The following GABRA3 variants were observed in gnomAD, a reference collection of about 807,000 sequenced individuals.
GABRA3 encodes gamma-aminobutyric acid type A receptor subunit alpha3, also known as gamma-aminobutyric acid receptor subunit alpha-3.
A neutral mutation model predicts 30.1 loss-of-function variants in GABRA3; 10 were observed. The ratio of observed to expected loss-of-function variants is 0.33; its 90% CI spans 0.20 to 0.56. The LOEUF is 0.56. Ranked by LOEUF, GABRA3 falls within the 20% of genes least tolerant of loss-of-function variation. The pLI is 0.89. For missense variants in GABRA3, 233 were observed against 392.0 expected (o/e 0.59, Z 3.42); for synonymous variants, 151 against 146.8 (o/e 1.03, Z -0.21).
intron 5 of GABRA3, among the ~76,000 whole-genome samples, chrX:152,233,492 A>G (rs1169115795): frequency 1.8e-5 from 2 of 109,631 alleles, no homozygotes; most frequent in African/African-American, 3.4e-5. Context: ...CAAAACCACA[A>G]TGAGATACCA....
At chrX:152,248,536 G>C (rs1409729713) in intron 5 of GABRA3, among the ~76,000 whole-genome samples, 8 of 111,422 alleles carry the variant, frequency 7.2e-5, no homozygotes, top group Non-Finnish European at 1.5e-4. Flanking sequence ...GCACCACTTG[G>C]AAATGAGCCG....
intron 1 of GABRA3, among the ~76,000 whole-genome samples, chrX:152,383,511 C>T (rs186865760): frequency 9.2e-6 from 1 of 108,361 alleles, no homozygotes; most frequent in African/African-American, 3.3e-5. Context: ...CAATAACATA[C>T]TGAAAGAATC....
At chrX:152,289,405 C>T (rs1325314853) in intron 3 of GABRA3, among the ~76,000 whole-genome samples, 1 of 109,561 alleles carries the variant, frequency 9.1e-6, no homozygotes, top group Non-Finnish European at 1.9e-5. Flanking sequence ...ATCCTTGTAC[C>T]CCTGTCTGCT....
intron 1 of GABRA3, among the ~76,000 whole-genome samples, chrX:152,449,622 T>C (rs1423570482): frequency 9.0e-6 from 1 of 111,041 alleles, no homozygotes; most frequent in Non-Finnish European, 1.9e-5. Flanking sequence ...TGAGTTGCTG[T>C]TACTCTACAC....
intron 1 of GABRA3, among the ~76,000 whole-genome samples, chrX:152,368,328 C>G (rs1179783716): frequency 8.9e-6 from 1 of 111,737 alleles, no homozygotes; most frequent in Non-Finnish European, 1.9e-5. Flanking sequence ...CACCATTCTA[C>G]TCTCTGCTTC....
rs1456066768 is a variant in GABRA3, at chrX:152,349,645, G to T, written c.141-3943C>A. Among the ~76,000 whole-genome samples the T allele has an allele frequency of 2.2e-3, 226 of 102,108 alleles. 1 individual carries two copies. Among genetic ancestry groups the T allele is most frequent in the African/African-American group, 7.5e-3 (208 of 27,698 alleles). The allele number at this position is 102,108 out of a possible 115,157, so 88.7% of individuals were successfully genotyped here. ...GCAAATGGAAAACAAAAAAAGGCAG[G>T]GGTTGCAATCCTAGTCTCTGATAAA... On this transcript the variant is annotated intron_variant, in intron 2 of 9. Transcript: ENST00000370314.
chrX:152,315,985 C>A lies in GABRA3; in HGVS notation c.262+29596G>T, dbSNP rs1167070235. 9.5e-5 allele frequency among the ~76,000 whole-genome samples: 8 copies of A among 84,132 alleles called. 1 individual carries two copies. Among genetic ancestry groups the A allele is most frequent in the East Asian group, 8.2e-4 (2 of 2,442 alleles). The allele number at this position is 84,132 out of a possible 115,157, so 73.1% of individuals were successfully genotyped here. On this transcript the variant is annotated intron_variant, in intron 3 of 9. Transcript: ENST00000370314. ...CCCGCCCCCCGACCCCCCCCCCCCC[C>A]ACCACATGATCCTCTCCTGTACTAC...
intron 2 of GABRA3, among the ~76,000 whole-genome samples, chrX:152,362,977 T>C (rs1390907208): frequency 8.9e-6 from 1 of 111,976 alleles, no homozygotes; most frequent in Non-Finnish European, 1.9e-5. Flanking sequence ...GTTTAAGAAG[T>C]GTGTGGAATA....
intron 3 of GABRA3, among the ~76,000 whole-genome samples, chrX:152,315,971 A>ACCC (rs58520094): frequency 3.4e-5 from 1 of 29,800 alleles, no homozygotes. Flanking sequence ...CCGCCCCCCG[A>ACCC]CCCCCCCCCC....
intron 6 of GABRA3, among the ~76,000 whole-genome samples, chrX:152,214,837 G>T (rs1937686681): frequency 9.1e-6 from 1 of 109,649 alleles, no homozygotes; most frequent in Non-Finnish European, 1.9e-5. Context: ...TGTAGCTATT[G>T]TAAATGGAAT....
chrX:152,440,557 G>C (rs1381073753), intron 1 of GABRA3, among the ~76,000 whole-genome samples: 2 of 112,136 alleles, frequency 1.8e-5, no homozygotes, highest in Non-Finnish European at 3.8e-5. Flanking sequence ...CTACTATAAA[G>C]ACACGTGTAC....
intron 7 of GABRA3, among the ~76,000 whole-genome samples, chrX:152,206,943 G>A (rs1005749252): frequency 9.0e-6 from 1 of 110,980 alleles, no homozygotes; most frequent in African/African-American, 3.3e-5. Context: ...ACTCTGAACA[G>A]CTTTCAGCTT....
At chrX:152,241,397 G>A (rs1938366247) in intron 5 of GABRA3, among the ~76,000 whole-genome samples, 1 of 102,659 alleles carries the variant, frequency 9.7e-6, no homozygotes, top group Admixed American at 1.0e-4. Context: ...GAGAACCACT[G>A]CTCTCTTCAA....
chrX:152,325,676 A>G (rs1028320609), intron 3 of GABRA3, among the ~76,000 whole-genome samples: 2 of 112,288 alleles, frequency 1.8e-5, no homozygotes, highest in African/African-American at 6.5e-5. Context: ...AAGGACATCC[A>G]CACCAAAATC....
chrX:152,362,602 T>A (rs1365054491), intron 2 of GABRA3, among the ~76,000 whole-genome samples: 1 of 111,674 alleles, frequency 9.0e-6, no homozygotes, highest in African/African-American at 3.3e-5. Flanking sequence ...GAGGTTAGTT[T>A]GGATGGAAAC....
At chrX:152,241,282 T>C (rs1394333626) in intron 5 of GABRA3, among the ~76,000 whole-genome samples, 2 of 89,624 alleles carry the variant, frequency 2.2e-5, no homozygotes, top group Non-Finnish European at 5.1e-5. Flanking sequence ...GTGCCCCTGC[T>C]GGGGGGTGCC....
chrX:152,229,307 G>A (rs17320304), intron 5 of GABRA3, among the ~76,000 whole-genome samples: 2,710 of 111,346 alleles, frequency 0.024, 44 homozygotes, highest in Middle Eastern at 0.069. Context: ...TACAAAGTAA[G>A]AGGCAACCCA....
At chrX:152,223,183 C>T (rs1020939320) in intron 6 of GABRA3, among the ~76,000 whole-genome samples, 2 of 111,082 alleles carry the variant, frequency 1.8e-5, no homozygotes, top group African/African-American at 6.5e-5. Context: ...ATGAGAGGCT[C>T]TCCCCTTTCT....
chrX:152,364,188 T>C (rs1423279504), intron 2 of GABRA3, among the ~76,000 whole-genome samples: 1 of 111,449 alleles, frequency 9.0e-6, no homozygotes, highest in Non-Finnish European at 1.9e-5. Context: ...GCAAAAGAAC[T>C]ATTTTTAAGA....
Sources: gnomAD v4.1 joint callset for allele counts (sites outside exome capture counted in the v4.1 genomes callset) on GRCh38, gnomAD v4.1.1 for gene constraint, MANE v1.5 for transcripts, NCBI Gene and HGNC (gene_info 2026-07-23, HGNC 2026-07-21) for gene names.